The following GDA variants were observed in gnomAD, a reference collection of about 807,000 sequenced individuals.
GDA encodes cytoplasmic PSD-95 interactor.
GDA carries 18 observed loss-of-function variants against 59.6 expected under a neutral mutation model. The ratio of observed to expected loss-of-function variants is 0.30; its 90% CI spans 0.21 to 0.45. GDA has a LOEUF of 0.45. Among genes scored for constraint, GDA ranks in the 20% least tolerant of loss-of-function variants. GDA has a pLI of 1.00. For synonymous variants in GDA, 201 were observed against 201.1 expected, an observed-to-expected ratio of 1.00 and a Z score of 0.00; for missense variants, 427 against 552.3, an observed-to-expected ratio of 0.77 and a Z score of 2.27.
chr9:72,126,465 T>C (rs1213752158), intron 1 of GDA, among the ~76,000 whole-genome samples: 1 of 152,076 alleles, frequency 6.6e-6, no homozygotes, highest in Non-Finnish European at 1.5e-5. Context: ...ATCTCAGCTT[T>C]AAATCTGATT....
Position 72,249,993 on chromosome 9 carries a change from T to C in GDA, c.*1651T>C. 1 of 958,176 alleles carries C rather than the reference T, an allele frequency of 1.0e-6. No individual in the cohort carries two copies. Among genetic ancestry groups the C allele is most frequent in the Non-Finnish European group, 1.2e-6 (1 of 805,166 alleles). 59.4% of individuals were successfully genotyped at this position (958,176 alleles called of 1,614,324 possible). On this transcript the variant is annotated 3_prime_UTR_variant, in exon 14 of 14. Coordinates refer to ENST00000358399, the MANE Select transcript of GDA (RefSeq NM_004293.5). ...AGAGGGAACAAAAGTTAGTTTTATTTTTTTAATAAACAACAGAGTTTGTTT... is the reference window on the plus strand; with the variant it reads ...AGAGGGAACAAAAGTTAGTTTTATTCTTTTAATAAACAACAGAGTTTGTTT...
intron 1 of GDA, among the ~76,000 whole-genome samples, chr9:72,160,059 G>A (rs1025196856): frequency 1.3e-5 from 2 of 152,028 alleles, no homozygotes; most frequent in East Asian, 1.9e-4. Flanking sequence ...CAGCACTTTC[G>A]GAGGCCGAGG....
chr9:72,249,745 T>C lies in GDA; in HGVS notation c.*1403T>C, dbSNP rs371729520. 8.4e-6 allele frequency: 7 copies of C among 832,090 alleles called. No homozygotes were observed. The highest frequency in any genetic ancestry group is 2.5e-4 in the East Asian group (2 of 8,138). The allele number at this position is 832,090 out of a possible 1,614,324, so 51.5% of individuals were successfully genotyped here. On this transcript the variant is annotated 3_prime_UTR_variant, in exon 14 of 14. Coordinates refer to ENST00000358399, the MANE Select transcript of GDA (RefSeq NM_004293.5). ...AGGAATAGACTTTCTTAATATATTA[T>C]AACACTCATTCCTAGAGCTTAGGGG...
intron 7 of GDA, among the ~76,000 whole-genome samples, chr9:72,224,673 T>C (rs1837322943): frequency 6.6e-6 from 1 of 152,108 alleles, no homozygotes; most frequent in South Asian, 2.1e-4. Flanking sequence ...GGAGACAGGG[T>C]CCCAGAGTCT....
intron 10 of GDA, among the ~76,000 whole-genome samples, chr9:72,240,126 G>A (rs1011231397): frequency 1.3e-5 from 2 of 152,130 alleles, no homozygotes; most frequent in African/African-American, 4.8e-5. Flanking sequence ...ATTTGATTAT[G>A]ATTAGGGACT....
In GDA at chr9:72,225,684, TA is replaced by T; in HGVS notation, c.724del (p.Ser242ValfsTer10). On this transcript the variant is annotated frameshift_variant, in exon 8 of 14. Transcript: ENST00000358399. LOFTEE classifies it high-confidence loss of function. Reference sequence around the variant, plus strand: ...ATTATTTTTTTCTTGTAGAGCCATATAAGTGAAAATCGTGATGAAGTTGAAG... The same window carrying T: ...ATTATTTTTTTCTTGTAGAGCCATATAGTGAAAATCGTGATGAAGTTGAAG... Reference protein sequence around the residue: ...KTRDLHIQSHISENRDEVEAV... With the variant: ...KTRDLHIQSHXSENRDEVEAV... The T allele has an allele frequency of 6.9e-7, 1 of 1,446,662 alleles. No homozygotes were observed. The highest frequency in any genetic ancestry group is 9.6e-7 in the Non-Finnish European group (1 of 1,037,936). 89.6% of individuals were successfully genotyped at this position (1,446,662 alleles called of 1,614,324 possible).
intron 1 of GDA, among the ~76,000 whole-genome samples, chr9:72,165,085 A>T (rs768563322): frequency 6.6e-6 from 1 of 152,164 alleles, no homozygotes; most frequent in African/African-American, 2.4e-5. Flanking sequence ...TTAAGTGCAC[A>T]TTCAATCTAC....
At chr9:72,149,803 G>A in intron 1 of GDA, 121 bp downstream of exon 1, 2 of 1,048,842 alleles carry the variant, frequency 1.9e-6, no homozygotes, top group Non-Finnish European at 2.6e-6. Context: ...CGGCTCCGGA[G>A]TTGAACTTGA....
intron 1 of GDA, among the ~76,000 whole-genome samples, chr9:72,154,785 C>T (rs945500569): frequency 1.3e-5 from 2 of 152,204 alleles, no homozygotes; most frequent in African/African-American, 2.4e-5. Context: ...TCTTTACTGT[C>T]GCTGACTGCT....
chr9:72,193,376 C>T (rs1026329669), intron 1 of GDA, among the ~76,000 whole-genome samples: 16 of 152,246 alleles, frequency 1.1e-4, no homozygotes, highest in African/African-American at 3.6e-4. Flanking sequence ...CTTGCAGACT[C>T]GTAAAGGTAG....
chr9:72,231,937 T>C (rs1218824140), intron 10 of GDA, among the ~76,000 whole-genome samples: 1 of 152,266 alleles, frequency 6.6e-6, no homozygotes, highest in Non-Finnish European at 1.5e-5. Context: ...GACCTCTCCA[T>C]ATCCACAGGC....
intron 1 of GDA, among the ~76,000 whole-genome samples, chr9:72,120,616 A>G (rs567140995): frequency 2.2e-4 from 34 of 152,350 alleles, no homozygotes; most frequent in Non-Finnish European, 4.1e-4. Flanking sequence ...ACTGCAGGTA[A>G]GAAATAAATC....
intron 1 of GDA, among the ~76,000 whole-genome samples, chr9:72,161,781 G>T (rs117693057): frequency 6.6e-6 from 1 of 152,266 alleles, no homozygotes; most frequent in African/African-American, 2.4e-5. Context: ...GTTATCCATC[G>T]CCTATCCATC....
chr9:72,155,531 G>C (rs949637301), intron 1 of GDA, among the ~76,000 whole-genome samples: 1 of 152,186 alleles, frequency 6.6e-6, no homozygotes, highest in Non-Finnish European at 1.5e-5. Context: ...GGGGTAGGAA[G>C]GAATGAAACA....
At chr9:72,196,305 A>AC (rs1833164025) in intron 2 of GDA, among the ~76,000 whole-genome samples, 1 of 151,900 alleles carries the variant, frequency 6.6e-6, no homozygotes, top group East Asian at 1.9e-4. Context: ...ACGTGGTGAA[A>AC]CCCCGTCTCT....
chr9:72,190,616 T>G (rs1417562179), intron 1 of GDA, among the ~76,000 whole-genome samples: 1 of 152,210 alleles, frequency 6.6e-6, no homozygotes, highest in Non-Finnish European at 1.5e-5. Flanking sequence ...TAGACTACGG[T>G]GCTCCTAACC....
At chr9:72,162,575 C>G (rs1828764072) in intron 1 of GDA, among the ~76,000 whole-genome samples, 1 of 151,776 alleles carries the variant, frequency 6.6e-6, no homozygotes, top group Non-Finnish European at 1.5e-5. Context: ...TAGATGAGGG[C>G]AGAGAGAAAC....
chr9:72,144,308 C>T (rs1236413081), intron 1 of GDA, among the ~76,000 whole-genome samples: 2 of 152,176 alleles, frequency 1.3e-5, no homozygotes, highest in African/African-American at 2.4e-5. Context: ...TGTGTCACTT[C>T]AGCATCAATT....
At chr9:72,239,134 G>T (rs1317417838) in intron 10 of GDA, among the ~76,000 whole-genome samples, 1 of 152,158 alleles carries the variant, frequency 6.6e-6, no homozygotes, top group Non-Finnish European at 1.5e-5. Flanking sequence ...GGAAGAATCG[G>T]CAAGTTACTG....
Sources: allele counts gnomAD v4.1 joint callset (sites outside exome capture counted in the v4.1 genomes callset), GRCh38; gene constraint gnomAD v4.1.1; transcripts MANE v1.5; gene names NCBI Gene and HGNC (gene_info 2026-07-23, HGNC 2026-07-21).